The following TTLL5 variants were observed in gnomAD, a reference collection of about 807,000 sequenced individuals.
The protein encoded by TTLL5 is tubulin polyglutamylase TTLL5.
In TTLL5, 132 loss-of-function variants were observed where a neutral mutation model predicts 168.4. That is an observed-to-expected ratio of 0.78 (90% confidence interval 0.68 to 0.91). TTLL5 has a LOEUF of 0.91. TTLL5 is among the 40% of genes least tolerant of loss of function. TTLL5 has a pLI of 0.00. For missense variants in TTLL5, 1,545 were observed against 1,581.5 expected (o/e 0.98, Z 0.39); for synonymous variants, 546 against 558.6 (o/e 0.98, Z 0.32).
At chr14:75,877,389 G>A (rs559064254) in intron 29 of TTLL5, among the ~76,000 whole-genome samples, 4 of 152,186 alleles carry the variant, frequency 2.6e-5, no homozygotes, top group African/African-American at 7.2e-5. Context: ...TCTGTGTTCT[G>A]TCTATCAGAA....
chr14:75,690,456 A>G (rs1885368362), intron 6 of TTLL5, 134 bp downstream of exon 6: 2 of 1,143,790 alleles, frequency 1.7e-6, no homozygotes, highest in Non-Finnish European at 2.4e-6. Context: ...TTAGTAAAAC[A>G]GTTGCAGAGG....
intron 29 of TTLL5, among the ~76,000 whole-genome samples, chr14:75,875,581 A>G (rs1453698071): frequency 6.6e-6 from 1 of 152,152 alleles, no homozygotes; most frequent in Non-Finnish European, 1.5e-5. Flanking sequence ...ACATATTTAC[A>G]TATTTCCATA....
chr14:75,806,730 G>A (rs1392016931), intron 27 of TTLL5, among the ~76,000 whole-genome samples: 1 of 152,162 alleles, frequency 6.6e-6, no homozygotes, highest in Non-Finnish European at 1.5e-5. Flanking sequence ...GTCCTTTGCT[G>A]CCTCAGCACC....
intron 2 of TTLL5, 124 bp from the exon 3 acceptor site, chr14:75,669,292 A>G: frequency 1.2e-6 from 1 of 816,048 alleles, no homozygotes. Flanking sequence ...TTCCCACAGG[A>G]TATTTGGGAT....
At chr14:75,911,439 G>C (rs1182857644) in intron 31 of TTLL5, among the ~76,000 whole-genome samples, 4 of 152,170 alleles carry the variant, frequency 2.6e-5, no homozygotes, top group Non-Finnish European at 5.9e-5. Context: ...GGGGAAAGAA[G>C]TTAGAAAACC....
rs1220612310 is a variant in TTLL5, at chr14:75,926,040, GAAAGAGAGGGAGAGGGAGA to G, written c.3823+23817_3823+23835del. On this transcript the variant is annotated intron_variant, in intron 31 of 31. Coordinates refer to ENST00000298832, the MANE Select transcript of TTLL5 (RefSeq NM_015072.5). Reference sequence around the variant, plus strand: ...GCCTTGGCATCAGAGGGAGACCGGGGAAAGAGAGGGAGAGGGAGACCGTGGGCCGTGGGCCGTGGGCCGT... The same window carrying G: ...GCCTTGGCATCAGAGGGAGACCGGGGCCGTGGGCCGTGGGCCGTGGGCCGT... Among the ~76,000 whole-genome samples the G allele has an allele frequency of 6.7e-5, 10 of 149,266 alleles. 1 individual carries two copies. The highest frequency in any genetic ancestry group is 2.6e-4 in the African/African-American group (10 of 38,836).
At chr14:75,903,447 G>A (rs1022838765) in intron 31 of TTLL5, among the ~76,000 whole-genome samples, 1 of 152,034 alleles carries the variant, frequency 6.6e-6, no homozygotes, top group Non-Finnish European at 1.5e-5. Context: ...GAGTGGAAGG[G>A]GAAAAGGTTG....
At chr14:75,737,747 A>G (rs4903345) in intron 15 of TTLL5, 100,649 of 848,416 alleles carry the variant, frequency 0.12, 6,507 homozygotes, top group Non-Finnish European at 0.14. Context: ...GTGAATGAAA[A>G]TGAATGCATA....
chr14:75,820,115 T>G lies in TTLL5; in HGVS notation c.3280T>G (p.Ser1094Ala), dbSNP rs753900455. Residue 1094 changes from serine to alanine, a missense_variant, in exon 28 of 32, where the codon TCA becomes GCA. Coordinates refer to ENST00000298832, the MANE Select transcript of TTLL5 (RefSeq NM_015072.5). ...TAGTGGCCCGACATGGTCTACACAG[T>G]CAGACCCCCAAGCTCCCGAGAATCA... Reference protein sequence around the residue: ...SPSGPTWSTQSDPQAPENHSS... With the variant: ...SPSGPTWSTQADPQAPENHSS... The G allele has an allele frequency of 6.2e-7, 1 of 1,602,358 alleles. No homozygotes were observed. Among genetic ancestry groups the G allele is most frequent in the Non-Finnish European group, 8.5e-7 (1 of 1,174,936 alleles).
intron 31 of TTLL5, among the ~76,000 whole-genome samples, chr14:75,913,892 T>C (rs986661233): frequency 1.3e-5 from 2 of 151,340 alleles, no homozygotes; most frequent in Non-Finnish European, 2.9e-5. Flanking sequence ...CACACGTCTT[T>C]AGCACCAGCT....
At chr14:75,937,752 C>G (rs1377052880) in intron 31 of TTLL5, among the ~76,000 whole-genome samples, 1 of 152,210 alleles carries the variant, frequency 6.6e-6, no homozygotes, top group Admixed American at 6.5e-5. Context: ...ATTATCCATT[C>G]AGCAATCAAT....
At chr14:75,933,960 C>T (rs1432102588) in intron 31 of TTLL5, among the ~76,000 whole-genome samples, 1 of 152,204 alleles carries the variant, frequency 6.6e-6, no homozygotes, top group Non-Finnish European at 1.5e-5. Flanking sequence ...GCCAGCACCT[C>T]CATCTTGGGC....
In TTLL5 at chr14:75,901,806, C is replaced by T. The variant is rs2032935046; in HGVS notation, c.3741-336C>T. ...TCAATGCCAGAAATATAATTTTTTC[C>T]TTCAATAAACAACTATTTATTGAGT... On this transcript the variant is annotated intron_variant, in intron 30 of 31. Transcript: ENST00000298832. 2.6e-5 allele frequency among the ~76,000 whole-genome samples: 4 copies of T among 152,114 alleles called. No homozygotes were observed. The South Asian group carries it at 8.3e-4, about 32-fold the overall frequency.
intron 28 of TTLL5, among the ~76,000 whole-genome samples, chr14:75,843,678 A>G (rs1896377498): frequency 6.6e-6 from 1 of 152,144 alleles, no homozygotes. Flanking sequence ...AACATGAGGC[A>G]AGGTTAAAGT....
intron 28 of TTLL5, among the ~76,000 whole-genome samples, chr14:75,860,112 AG>A (rs1897325154): frequency 6.6e-6 from 1 of 152,236 alleles, no homozygotes; most frequent in East Asian, 1.9e-4. Context: ...TCATTATAAA[AG>A]TTTATGATGT....
chr14:75,701,749 A>G (rs1030548544), intron 7 of TTLL5, among the ~76,000 whole-genome samples: 1 of 152,146 alleles, frequency 6.6e-6, no homozygotes, highest in Non-Finnish European at 1.5e-5. Flanking sequence ...ATCTGATTCT[A>G]ATTCCTTGGC....
At chr14:75,728,514 A>C (rs1160025771) in intron 12 of TTLL5, among the ~76,000 whole-genome samples, 1 of 152,146 alleles carries the variant, frequency 6.6e-6, no homozygotes, top group African/African-American at 2.4e-5. Context: ...TCCAAGATGA[A>C]GAATAATAGC....
chr14:75,928,703 C>T (rs1306227297), intron 31 of TTLL5, among the ~76,000 whole-genome samples: 4 of 151,970 alleles, frequency 2.6e-5, no homozygotes, highest in Non-Finnish European at 5.9e-5. Flanking sequence ...GCCTGGTGAT[C>T]GCAGGGCACA....
At chr14:75,729,576 C>T (rs78533318) in intron 12 of TTLL5, among the ~76,000 whole-genome samples, 3,593 of 152,250 alleles carry the variant, frequency 0.024, 145 homozygotes, top group African/African-American at 0.081. Context: ...CCATTCCCCC[C>T]ACCAATGCCA....
Sources: gnomAD v4.1 joint callset for allele counts (sites outside exome capture counted in the v4.1 genomes callset) on GRCh38, gnomAD v4.1.1 for gene constraint, MANE v1.5 for transcripts, NCBI Gene and HGNC (gene_info 2026-07-23, HGNC 2026-07-21) for gene names.